Variants in GNAL observed in about 807,000 individuals in gnomAD.
GNAL encodes the protein G protein subunit alpha L.
GNAL carries 18 observed loss-of-function variants against 55.1 expected under a neutral mutation model. The observed-to-expected ratio is 0.33, with a 90% CI of 0.23 to 0.48. The LOEUF is 0.48. Among genes scored for constraint, GNAL ranks in the 20% least tolerant of loss-of-function variants. GNAL has a pLI of 0.99. For synonymous variants in GNAL, 253 were observed against 237.0 expected (o/e 1.07, Z -0.62); for missense variants, 412 against 614.1 (o/e 0.67, Z 3.48).
chr18:11,850,938 GTT>G (rs2035842848), intron 5 of GNAL, among the ~76,000 whole-genome samples: 2 of 152,168 alleles, frequency 1.3e-5, no homozygotes, highest in South Asian at 4.1e-4. Context: ...TAATGTTTTT[GTT>G]TTTAATGTAT....
intron 5 of GNAL, chr18:11,851,501 G>A (rs769407505): frequency 1.3e-6 from 2 of 1,544,698 alleles, no homozygotes; most frequent in Non-Finnish European, 1.7e-6. Flanking sequence ...ACCCAAAGGA[G>A]CCGTCCGACT....
chr18:11,757,865 C>T (rs747039477), intron 4 of GNAL, among the ~76,000 whole-genome samples: 2 of 151,788 alleles, frequency 1.3e-5, no homozygotes, highest in Non-Finnish European at 2.9e-5. Flanking sequence ...ATGGCTTTGG[C>T]GGCTTCAAGG....
intron 1 of GNAL, among the ~76,000 whole-genome samples, chr18:11,740,289 A>G (rs1441877952): frequency 6.6e-6 from 1 of 151,980 alleles, no homozygotes; most frequent in Non-Finnish European, 1.5e-5. Flanking sequence ...ACTTTCCGAC[A>G]TAACAGTGTT....
chr18:11,771,091 C>T (rs577442472), intron 4 of GNAL, among the ~76,000 whole-genome samples: 2 of 151,800 alleles, frequency 1.3e-5, no homozygotes, highest in Admixed American at 1.3e-4. Context: ...GGTGGCAGGC[C>T]TCTGTAATCC....
At chr18:11,802,223 G>A (rs188424339) in intron 4 of GNAL, among the ~76,000 whole-genome samples, 1 of 152,178 alleles carries the variant, frequency 6.6e-6, no homozygotes, top group African/African-American at 2.4e-5. Context: ...TTATTTTGTT[G>A]TTTGGCCCTA....
chr18:11,733,178 C>T (rs554738228), intron 1 of GNAL, among the ~76,000 whole-genome samples: 55 of 152,364 alleles, frequency 3.6e-4, no homozygotes, highest in Middle Eastern at 3.4e-3. Flanking sequence ...GGAAAGGCTC[C>T]TGCAATGCAC....
At chr18:11,811,801 AC>A (rs2034825211) in intron 4 of GNAL, among the ~76,000 whole-genome samples, 1 of 152,236 alleles carries the variant, frequency 6.6e-6, no homozygotes, top group Non-Finnish European at 1.5e-5. Context: ...ATACGGAGTG[AC>A]TAAAAAGACC....
chr18:11,864,742 T>G (rs374207690), intron 7 of GNAL, 136 bp downstream of exon 7: 18 of 657,986 alleles, frequency 2.7e-5, no homozygotes, highest in Admixed American at 1.4e-4. Context: ...GGGTGAAATT[T>G]GAACTCTAGC....
At chr18:11,879,163 G>GTT (rs35500223) in intron 11 of GNAL, among the ~76,000 whole-genome samples, 3 of 146,910 alleles carry the variant, frequency 2.0e-5, no homozygotes, top group African/African-American at 2.5e-5. Flanking sequence ...GTGTCCATAA[G>GTT]TTTTTTTTTT....
chr18:11,690,196 T>C (rs1301287226), intron 1 of GNAL, among the ~76,000 whole-genome samples: 1 of 152,164 alleles, frequency 6.6e-6, no homozygotes, highest in Non-Finnish European at 1.5e-5. Flanking sequence ...TTGAGCTTAC[T>C]GCCGCTCGCT....
chr18:11,786,488 G>A (rs1450836548), intron 4 of GNAL, among the ~76,000 whole-genome samples: 6 of 107,656 alleles, frequency 5.6e-5, no homozygotes, highest in South Asian at 3.2e-4. Flanking sequence ...TTGCTCTGTC[G>A]CCCAGGCTGG....
chr18:11,715,197 C>T (rs558425376), intron 1 of GNAL, among the ~76,000 whole-genome samples: 207 of 151,386 alleles, frequency 1.4e-3, no homozygotes, highest in Middle Eastern at 3.5e-3. Flanking sequence ...CGGTGGCTCA[C>T]GCCTGTAATC....
chr18:11,845,789 AAGAG>A (rs1474542461), intron 5 of GNAL, among the ~76,000 whole-genome samples: 2 of 141,794 alleles, frequency 1.4e-5, no homozygotes, highest in Non-Finnish European at 3.1e-5. Context: ...GAGAGAGAGA[AAGAG>A]AGAGGGAGGG....
At position 11,770,308 on chromosome 18, in the gene GNAL, A is replaced by T. The variant is rs946616087; in HGVS notation, c.624+16363A>T. ...AAATAAAAATATTACCAAATATTAA[A>T]CTTACCTCAATGATTATTCTTCAGA... On this transcript the variant is annotated intron_variant, in intron 4 of 11. Coordinates refer to ENST00000334049, the MANE Select transcript of GNAL (RefSeq NM_182978.4). 2.5e-3 allele frequency among the ~76,000 whole-genome samples: 385 copies of T among 152,304 alleles called. 7 individuals carry two copies. The highest frequency in any genetic ancestry group is 4.3e-4 in the Non-Finnish European group (29 of 68,016).
chr18:11,746,085 T>C (rs2032682080), intron 1 of GNAL: 1 of 482,906 alleles, frequency 2.1e-6, no homozygotes, highest in Non-Finnish European at 4.1e-6. Flanking sequence ...TCTTGTTCCA[T>C]TGGAGCACTC....
intron 1 of GNAL, among the ~76,000 whole-genome samples, chr18:11,740,309 G>C (rs955735113): frequency 6.6e-6 from 1 of 151,972 alleles, no homozygotes; most frequent in Non-Finnish European, 1.5e-5. Context: ...TCCAGGTTTA[G>C]CTCATAGCTA....
intron 5 of GNAL, chr18:11,851,418 C>G: frequency 7.1e-7 from 1 of 1,404,390 alleles, no homozygotes; most frequent in South Asian, 1.5e-5. Context: ...GGGACCAAAA[C>G]AAAGGAGCGG....
intron 4 of GNAL, among the ~76,000 whole-genome samples, chr18:11,804,854 A>C (rs373147573): frequency 1.3e-4 from 17 of 134,836 alleles, no homozygotes; most frequent in East Asian, 4.6e-4. Context: ...TGTAGTGGTG[A>C]AGTACAGGTG....
chr18:11,873,586 C>G (rs1010704503), intron 10 of GNAL, among the ~76,000 whole-genome samples: 2 of 152,270 alleles, frequency 1.3e-5, no homozygotes, highest in Non-Finnish European at 2.9e-5. Flanking sequence ...AGCGTGAGGT[C>G]AAGGTCCAGG....
Sources: gnomAD v4.1 joint callset for allele counts (sites outside exome capture counted in the v4.1 genomes callset) on GRCh38, gnomAD v4.1.1 for gene constraint, MANE v1.5 for transcripts, NCBI Gene and HGNC (gene_info 2026-07-23, HGNC 2026-07-21) for gene names.